The following SIK2 variants were observed in gnomAD, a reference collection of about 807,000 sequenced individuals.
The protein encoded by SIK2 is salt inducible kinase 2, also known as serine/threonine-protein kinase SIK2.
Under a neutral mutation model 103.2 loss-of-function variants are expected in SIK2, and 29 were observed. That is an observed-to-expected ratio of 0.28 (90% CI 0.21 to 0.38). SIK2 has a LOEUF of 0.38. SIK2 is among the 10% of genes least tolerant of loss of function. SIK2 has a pLI of 1.00. For missense variants in SIK2, 879 were observed against 1,171.0 expected, an observed-to-expected ratio of 0.75 and a Z score of 3.64; for synonymous variants, 412 against 446.1, an observed-to-expected ratio of 0.92 and a Z score of 0.96.
chr11:111,614,369 C>A (rs1941774034), intron 1 of SIK2, among the ~76,000 whole-genome samples: 1 of 152,144 alleles, frequency 6.6e-6, no homozygotes, highest in African/African-American at 2.4e-5. Context: ...CAGGCATGAG[C>A]CACAGCGCCC....
chr11:111,667,045 G>T lies in SIK2; in HGVS notation c.317-20956G>T, dbSNP rs528442746. ...TGCAGTGACACGATCTTGGCTCATC[G>T]CAACCTCCGCCTCCCAGGTTCAAGC... On this transcript the variant is annotated intron_variant, in intron 3 of 14. Transcript: ENST00000304987. Among the ~76,000 whole-genome samples, 223 of 151,256 alleles carry T rather than the reference G, an allele frequency of 1.5e-3. 2 individuals are homozygous for T. Among genetic ancestry groups the T allele is most frequent in the African/African-American group, 5.3e-3 (216 of 41,108 alleles).
intron 8 of SIK2, among the ~76,000 whole-genome samples, chr11:111,706,859 C>G (rs1224078707): frequency 1.3e-5 from 2 of 149,486 alleles, no homozygotes; most frequent in African/African-American, 2.5e-5. Flanking sequence ...ACTTGGGAGG[C>G]TGAGGCAGGA....
At chr11:111,607,008 A>T (rs914794523) in intron 1 of SIK2, among the ~76,000 whole-genome samples, 1 of 151,920 alleles carries the variant, frequency 6.6e-6, no homozygotes, top group Non-Finnish European at 1.5e-5. Context: ...TAAAATCACA[A>T]CCCCAAAGAT....
At chr11:111,661,851 C>T (rs1283567708) in intron 3 of SIK2, among the ~76,000 whole-genome samples, 1 of 152,172 alleles carries the variant, frequency 6.6e-6, no homozygotes, top group East Asian at 1.9e-4. Context: ...CATGGGAAAA[C>T]CCTGCCCACA....
At chr11:111,707,637 A>C (rs1205243748) in intron 8 of SIK2, among the ~76,000 whole-genome samples, 3 of 152,188 alleles carry the variant, frequency 2.0e-5, no homozygotes, top group Non-Finnish European at 4.4e-5. Context: ...GAATTTGTTA[A>C]AAAATAGACT....
chr11:111,654,599 C>T (rs960315456), intron 3 of SIK2, among the ~76,000 whole-genome samples: 1 of 152,138 alleles, frequency 6.6e-6, no homozygotes, highest in Non-Finnish European at 1.5e-5. Flanking sequence ...TAATATTATG[C>T]TTTGTTTAAT....
rs1942949926 is a variant in SIK2, at chr11:111,691,897, G to T, written c.478+3735G>T. On this transcript the variant is annotated intron_variant, in intron 4 of 14. Transcript: ENST00000304987. ...CAAGGAGTTAATCAAATAAGAACCAGACCTTTAAGTTAATATAACACAAAA... is the reference window on the plus strand; with the variant it reads ...CAAGGAGTTAATCAAATAAGAACCATACCTTTAAGTTAATATAACACAAAA... Among the ~76,000 whole-genome samples the T allele has an allele frequency of 1.3e-5, 2 of 152,174 alleles. 1 individual carries two copies. Among genetic ancestry groups the T allele is most frequent in the South Asian group, 4.1e-4 (2 of 4,828 alleles).
intron 3 of SIK2, among the ~76,000 whole-genome samples, chr11:111,679,835 T>G (rs931541237): frequency 6.6e-6 from 1 of 151,314 alleles, no homozygotes; most frequent in African/African-American, 2.4e-5. Flanking sequence ...ATAAAAAGGG[T>G]TTTTTTTGGC....
intron 1 of SIK2, among the ~76,000 whole-genome samples, chr11:111,612,204 C>A (rs573289492): frequency 5.9e-5 from 9 of 152,188 alleles, no homozygotes; most frequent in Non-Finnish European, 4.4e-5. Flanking sequence ...AGCTTTAAGA[C>A]CTTTGTTGAT....
At position 111,721,865 on chromosome 11, in the gene SIK2, T is replaced by C. The variant is rs771433180; in HGVS notation, c.1980T>C (p.Thr660=). ...CTCAGCAGCAGGAAAGCGTCTCCAC[T>C]CTCCCTGCCAGCGTGCATCCCCAGC... ...EVSQQQESVS[T]LPASVHPQLS... is the part of the protein sequence containing the mutation. Residue 660 remains threonine (T), a synonymous_variant, in exon 13 of 15, where the codon ACT becomes ACC. Coordinates refer to ENST00000304987, the MANE Select transcript of SIK2 (RefSeq NM_015191.3). 3.1e-6 allele frequency: 5 copies of C among 1,612,430 alleles called. No homozygotes were observed. Among genetic ancestry groups the C allele is most frequent in the Non-Finnish European group, 4.2e-6 (5 of 1,179,160 alleles).
intron 8 of SIK2, among the ~76,000 whole-genome samples, chr11:111,708,776 T>C (rs141155977): frequency 6.6e-6 from 1 of 152,132 alleles, no homozygotes; most frequent in Non-Finnish European, 1.5e-5. Flanking sequence ...TTTGTGGAGA[T>C]AGGGTCTTGC....
intron 3 of SIK2, among the ~76,000 whole-genome samples, chr11:111,631,056 G>C (rs1344109245): frequency 3.3e-5 from 5 of 152,138 alleles, no homozygotes; most frequent in Admixed American, 6.5e-5. Flanking sequence ...ATGGGATTAA[G>C]GGCACAGAGG....
intron 3 of SIK2, among the ~76,000 whole-genome samples, chr11:111,674,594 G>C (rs1942675878): frequency 6.6e-6 from 1 of 152,164 alleles, no homozygotes; most frequent in African/African-American, 2.4e-5. Flanking sequence ...TAAAAATAAT[G>C]CATGTATAAT....
chr11:111,675,197 C>T (rs1378396374), intron 3 of SIK2, among the ~76,000 whole-genome samples: 1 of 152,226 alleles, frequency 6.6e-6, no homozygotes, highest in Non-Finnish European at 1.5e-5. Flanking sequence ...CCTCATTCTA[C>T]ATATGCTTTT....
At position 111,705,082 on chromosome 11, in the gene SIK2, G is replaced by A. The variant is rs770655734; in HGVS notation, c.1044G>A (p.Gln348=). The A allele has an allele frequency of 1.1e-5, 17 of 1,606,874 alleles. No individual in the cohort carries two copies. Among genetic ancestry groups the A allele is most frequent in the Admixed American group, 1.7e-5 (1 of 58,004 alleles). ...KSHRSSFPVE[Q]RLDGRQRRPS... Reference sequence around the variant, plus strand: ...ATCGGAGCAGTTTCCCAGTGGAGCAGAGACTTGATGGCCGCCAGCGTCGGC... The same window carrying A: ...ATCGGAGCAGTTTCCCAGTGGAGCAAAGACTTGATGGCCGCCAGCGTCGGC... The change falls in exon 8 of 15, where the codon CAG becomes CAA. Residue 348 remains glutamine (Q), a synonymous_variant. Coordinates refer to ENST00000304987, the MANE Select transcript of SIK2 (RefSeq NM_015191.3). This position sits in a 1 kb window ranked among gnomAD's most constrained non-coding sequence, Gnocchi z 4.3.
intron 1 of SIK2, among the ~76,000 whole-genome samples, chr11:111,603,732 A>C (rs1262299657): frequency 6.6e-6 from 1 of 152,020 alleles, no homozygotes; most frequent in Admixed American, 6.5e-5. Flanking sequence ...GTTTTGACGT[A>C]CTCTACTCTG....
intron 4 of SIK2, among the ~76,000 whole-genome samples, chr11:111,690,523 A>G (rs1942919768): frequency 6.6e-6 from 1 of 151,896 alleles, no homozygotes; most frequent in Admixed American, 6.6e-5. Context: ...TACATGTGCC[A>G]TGGTGGTTTG....
chr11:111,670,213 T>C (rs1312275709), intron 3 of SIK2, among the ~76,000 whole-genome samples: 1 of 152,228 alleles, frequency 6.6e-6, no homozygotes, highest in African/African-American at 2.4e-5. Flanking sequence ...GCTGCCACTT[T>C]TGCGCCTTTA....
rs1454503892 is a variant in SIK2, at chr11:111,616,237, A to T, written c.136-6A>T. 1 of 1,577,696 alleles carries T rather than the reference A, an allele frequency of 6.3e-7. No homozygotes were observed. On this transcript the variant is annotated splice_region_variant and splice_polypyrimidine_tract_variant and intron_variant, in intron 1 of 14. Coordinates refer to ENST00000304987, the MANE Select transcript of SIK2 (RefSeq NM_015191.3). ...TAATTGTATTTATTTGTGTTCTGGG[A>T]TGCAGGTGGCAATAAAAATAATCGA... is the stretch of plus-strand genomic sequence containing the variant.
Sources: gnomAD v4.1 joint callset for allele counts (sites outside exome capture counted in the v4.1 genomes callset) on GRCh38, gnomAD v4.1.1 for gene constraint, Gnocchi (gnomAD v3.1) non-coding constraint, MANE v1.5 for transcripts, NCBI Gene and HGNC (gene_info 2026-07-23, HGNC 2026-07-21) for gene names.